ASTN2: variants seen among roughly 807,000 people sequenced by gnomAD.
The protein encoded by ASTN2 is astrotactin-2.
Under a neutral mutation model 139.8 loss-of-function variants are expected in ASTN2, and 54 were observed. That is an observed-to-expected ratio of 0.39 (90% CI 0.31 to 0.48). ASTN2 has a LOEUF of 0.48. Among genes scored for constraint, ASTN2 ranks in the 20% least tolerant of loss-of-function variants. ASTN2 has a pLI of 0.95. For missense variants in ASTN2, 1,565 were observed against 1,725.1 expected, an observed-to-expected ratio of 0.91 and a Z score of 1.64; for synonymous variants, 756 against 719.5, an observed-to-expected ratio of 1.05 and a Z score of -0.81.
chr9:117,356,928 T>G (rs1445240965), intron 1 of ASTN2, among the ~76,000 whole-genome samples: 1 of 151,702 alleles, frequency 6.6e-6, no homozygotes, highest in Non-Finnish European at 1.5e-5. Context: ...CCGGGTCTGG[T>G]GGGCGCATGC....
At chr9:117,339,134 A>G (rs145626111) in intron 1 of ASTN2, among the ~76,000 whole-genome samples, 1 of 152,196 alleles carries the variant, frequency 6.6e-6, no homozygotes, top group Non-Finnish European at 1.5e-5. Flanking sequence ...CCTGACTACA[A>G]CACCATCAAA....
rs1380344897 is a variant in ASTN2 at position 116,426,081 on chromosome 9, G to C, written c.3790C>G (p.His1264Asp). 3.1e-6 allele frequency: 5 copies of C among 1,612,846 alleles called. No individual in the cohort carries two copies. Among genetic ancestry groups the C allele is most frequent in the Non-Finnish European group, 8.5e-7 (1 of 1,179,988 alleles). Residue 1264 changes from histidine to aspartate, a missense_variant, in exon 23 of 23, where the codon CAC becomes GAC. Physicochemically the swap from His to Asp is moderately conservative, Grantham distance 81. Transcript: ENST00000313400. ...SEDELGPRKAHLILRRLERVS... is the reference protein window; with the variant it reads ...SEDELGPRKADLILRRLERVS... Reference sequence around the variant, plus strand: ...CTCTCCAGTCGCCGTAGAATCAGGTGGGCCTTCCTGAAAGGTAGGATGAGA... The same window carrying C: ...CTCTCCAGTCGCCGTAGAATCAGGTCGGCCTTCCTGAAAGGTAGGATGAGA...
chr9:116,525,255 C>G (rs1171744961), intron 19 of ASTN2, among the ~76,000 whole-genome samples: 1 of 152,194 alleles, frequency 6.6e-6, no homozygotes, highest in Admixed American at 6.5e-5. Flanking sequence ...TTTAGAGTAT[C>G]TCTGACAGAA....
chr9:116,908,501 C>T (rs535284461), intron 10 of ASTN2, among the ~76,000 whole-genome samples: 1 of 152,196 alleles, frequency 6.6e-6, no homozygotes, highest in Non-Finnish European at 1.5e-5. Flanking sequence ...ATGATGGTCA[C>T]CACCACCATC....
At chr9:117,187,748 G>T (rs1036182147) in intron 3 of ASTN2, among the ~76,000 whole-genome samples, 6 of 152,088 alleles carry the variant, frequency 3.9e-5, no homozygotes, top group African/African-American at 1.4e-4. Flanking sequence ...CCAGTCTGCA[G>T]AACTGGAAGA....
At chr9:116,659,439 C>T (rs913034116) in intron 16 of ASTN2, among the ~76,000 whole-genome samples, 2 of 152,166 alleles carry the variant, frequency 1.3e-5, no homozygotes, top group Non-Finnish European at 2.9e-5. Context: ...ATCACCACAG[C>T]CCCAAAGACA....
intron 19 of ASTN2, among the ~76,000 whole-genome samples, chr9:116,577,171 G>C (rs1431074316): frequency 6.6e-6 from 1 of 152,184 alleles, no homozygotes; most frequent in African/African-American, 2.4e-5. Context: ...CAGAATCCAA[G>C]TGCAGAACTA....
At chr9:117,036,572 C>CT (rs1478949482) in intron 6 of ASTN2, among the ~76,000 whole-genome samples, 2 of 152,154 alleles carry the variant, frequency 1.3e-5, no homozygotes, top group African/African-American at 4.8e-5. Context: ...GGCTTATACA[C>CT]ATTGGGAAGG....
chr9:116,978,963 GT>G (rs1188801302), intron 7 of ASTN2, among the ~76,000 whole-genome samples: 1 of 152,146 alleles, frequency 6.6e-6, no homozygotes, highest in East Asian at 1.9e-4. Flanking sequence ...GGTAACACGG[GT>G]TCTACAACTA....
intron 13 of ASTN2, among the ~76,000 whole-genome samples, chr9:116,772,804 G>A (rs966318059): frequency 6.6e-6 from 1 of 152,142 alleles, no homozygotes; most frequent in Non-Finnish European, 1.5e-5. Context: ...ATCAGGACCT[G>A]ATTCCAGTCA....
intron 19 of ASTN2, among the ~76,000 whole-genome samples, chr9:116,610,228 T>C (rs1486920694): frequency 2.0e-5 from 3 of 152,164 alleles, no homozygotes; most frequent in Non-Finnish European, 4.4e-5. Context: ...AAGTTAATAA[T>C]GCCAGCTTGG....
At position 116,665,728 on chromosome 9, in the gene ASTN2, C is replaced by T. The variant is rs142185071; in HGVS notation, c.2807-13935G>A. ...ACATACAAACCAACTTAAAGGGAAT[C>T]ACATTGGCCTAACATTAAACAATTT... On this transcript the variant is annotated intron_variant, in intron 16 of 22. Coordinates refer to ENST00000313400, the MANE Select transcript of ASTN2 (RefSeq NM_001365068.1). Among the ~76,000 whole-genome samples, 21 of 152,272 alleles carry T rather than the reference C, an allele frequency of 1.4e-4. No individual in the cohort carries two copies. In the East Asian group the frequency reaches 2.5e-3, roughly 18 times the overall value.
At chr9:116,594,583 C>T (rs73526182) in intron 19 of ASTN2, among the ~76,000 whole-genome samples, 1 of 152,080 alleles carries the variant, frequency 6.6e-6, no homozygotes, top group East Asian at 1.9e-4. Context: ...ATTTTGCAGT[C>T]ACTTTATGTT....
intron 6 of ASTN2, among the ~76,000 whole-genome samples, chr9:117,017,863 T>C (rs1206843903): frequency 6.6e-6 from 1 of 151,956 alleles, no homozygotes; most frequent in Non-Finnish European, 1.5e-5. Flanking sequence ...TAAGCACAGA[T>C]AATTCTGTCA....
intron 6 of ASTN2, among the ~76,000 whole-genome samples, chr9:117,017,646 A>T (rs1837753346): frequency 6.6e-6 from 1 of 152,152 alleles, no homozygotes; most frequent in Admixed American, 6.6e-5. Flanking sequence ...ATTCATTTGG[A>T]TTTCCTATGG....
At chr9:117,328,842 A>G (rs1335250313) in intron 1 of ASTN2, among the ~76,000 whole-genome samples, 3 of 152,342 alleles carry the variant, frequency 2.0e-5, no homozygotes, top group East Asian at 3.9e-4. Context: ...GTGATGGCAA[A>G]TCCCCTATAG....
At chr9:117,363,118 C>T (rs1829739110) in intron 1 of ASTN2, among the ~76,000 whole-genome samples, 2 of 152,274 alleles carry the variant, frequency 1.3e-5, no homozygotes, top group South Asian at 4.1e-4. Flanking sequence ...TGCCCACACC[C>T]TTCATTAAAT....
At chr9:116,464,506 G>A (rs1007041429) in intron 20 of ASTN2, among the ~76,000 whole-genome samples, 23 of 152,174 alleles carry the variant, frequency 1.5e-4, no homozygotes, top group Non-Finnish European at 1.9e-4. Flanking sequence ...CTGGCCCACA[G>A]CATTCAATAT....
At chr9:116,797,408 T>C (rs1830730020) in intron 13 of ASTN2, among the ~76,000 whole-genome samples, 1 of 152,166 alleles carries the variant, frequency 6.6e-6, no homozygotes, top group South Asian at 2.1e-4. Context: ...AAAGAGGTTT[T>C]TTTTTCTGCA....
Sources: allele counts gnomAD v4.1 joint callset (sites outside exome capture counted in the v4.1 genomes callset), GRCh38; gene constraint gnomAD v4.1.1; transcripts MANE v1.5; gene names NCBI Gene and HGNC (gene_info 2026-07-23, HGNC 2026-07-21).